The following MTHFD1L variants were observed in gnomAD, a reference collection of about 807,000 sequenced individuals.
The protein encoded by MTHFD1L is methylenetetrahydrofolate dehydrogenase (NADP+ dependent) 1 like.
In MTHFD1L, 81 loss-of-function variants were observed where a neutral mutation model predicts 119.5. That is an observed-to-expected ratio of 0.68 (90% confidence interval 0.57 to 0.82). The LOEUF is 0.82. Among genes scored for constraint, MTHFD1L ranks in the 40% least tolerant of loss-of-function variants. MTHFD1L has a pLI of 0.00. For missense variants in MTHFD1L, 1,125 were observed against 1,253.4 expected, an observed-to-expected ratio of 0.90 and a Z score of 1.55; for synonymous variants, 430 against 475.2, an observed-to-expected ratio of 0.90 and a Z score of 1.24.
chr6:150,982,088 T>C (rs1258819422), intron 20 of MTHFD1L, among the ~76,000 whole-genome samples: 1 of 151,814 alleles, frequency 6.6e-6, no homozygotes, highest in East Asian at 1.9e-4. Flanking sequence ...GGTGAAACCC[T>C]GTCTTGAAAG....
chr6:150,881,090 G>C lies in MTHFD1L; in HGVS notation c.418-1672G>C, dbSNP rs1781324545. Among the ~76,000 whole-genome samples, 4 of 152,046 alleles carry C rather than the reference G, an allele frequency of 2.6e-5. No individual in the cohort carries two copies. In the South Asian group the frequency reaches 6.2e-4, roughly 24 times the overall value. On this transcript the variant is annotated intron_variant, in intron 4 of 27. Transcript: ENST00000367321. ...TTGCTATGAAGAATGTTTTTAGTTT[G>C]ATATAATCCCACTGATGTATTTTTG... is the stretch of plus-strand genomic sequence containing the variant.
chr6:150,924,150 G>A (rs1167468467), intron 10 of MTHFD1L, among the ~76,000 whole-genome samples: 1 of 152,150 alleles, frequency 6.6e-6, no homozygotes, highest in Non-Finnish European at 1.5e-5. Flanking sequence ...AGGCTGAGTA[G>A]TTTATAAATC....
intron 24 of MTHFD1L, among the ~76,000 whole-genome samples, chr6:151,033,816 C>G (rs998256876): frequency 9.2e-5 from 14 of 152,194 alleles, no homozygotes; most frequent in South Asian, 4.1e-4. Flanking sequence ...TTCAGACCCA[C>G]TTAAAAACCA....
intron 20 of MTHFD1L, among the ~76,000 whole-genome samples, chr6:150,993,366 G>T (rs1473820664): frequency 6.6e-6 from 1 of 152,034 alleles, no homozygotes; most frequent in Non-Finnish European, 1.5e-5. Context: ...TGTTGTCCAG[G>T]CTGGAGTGCA....
rs1410104537 is a variant in MTHFD1L at position 150,887,921 on chromosome 6, C to T, written c.720C>T (p.Phe240=). ...TGGAAGCTGCTCTACAATGCCTGTT[C>T]CAGAGAAAAGGGTCCATGACAATGA... is the stretch of plus-strand genomic sequence containing the variant. The part of the protein sequence containing the change: ...GSLEAALQCL[F]QRKGSMTMSI... The change falls in exon 7 of 28, where the codon TTC becomes TTT. Residue 240 remains phenylalanine (F), a synonymous_variant. Coordinates refer to ENST00000367321, the MANE Select transcript of MTHFD1L (RefSeq NM_015440.5). 6.2e-7 allele frequency: 1 copy of T among 1,610,562 alleles called. No individual in the cohort carries two copies. Among genetic ancestry groups the T allele is most frequent in the Non-Finnish European group, 8.5e-7 (1 of 1,178,700 alleles).
intron 26 of MTHFD1L, among the ~76,000 whole-genome samples, chr6:151,075,981 A>T (rs1039773438): frequency 6.6e-6 from 1 of 152,244 alleles, no homozygotes; most frequent in Non-Finnish European, 1.5e-5. Context: ...ACCCAAGAAA[A>T]TACATGAAAA....
chr6:150,882,331 T>C (rs1781512263), intron 4 of MTHFD1L, among the ~76,000 whole-genome samples: 3 of 152,232 alleles, frequency 2.0e-5, no homozygotes, highest in South Asian at 2.1e-4. Context: ...ACGCACAGGC[T>C]TAGCTGGGCC....
chr6:150,876,143 C>T lies in MTHFD1L; in HGVS notation c.281C>T (p.Pro94Leu). ...CTAAGTTTATTGCAAGAAAAAAACC[C>T]TGCCTTCAAGCCGGTTCTTGCAATT... ...EVLSLLQEKNPAFKPVLAIIQ... is the reference protein window; with the variant it reads ...EVLSLLQEKNLAFKPVLAIIQ... Residue 94 changes from proline (P) to leucine (L), a missense_variant, in exon 2 of 28, where the codon CCT becomes CTT. Around this residue, in one of 3 missense-constraint regions of MTHFD1L, gnomAD observed 1,058 missense variants for 1,151.2 expected, o/e 0.92. Transcript: ENST00000367321. 1 of 1,604,012 alleles carries T rather than the reference C, an allele frequency of 6.2e-7. No homozygotes were observed. Among genetic ancestry groups the T allele is most frequent in the Middle Eastern group, 1.7e-4 (1 of 5,738 alleles).
At chr6:150,974,724 C>CTTT (rs58490721) in intron 20 of MTHFD1L, among the ~76,000 whole-genome samples, 138 of 144,700 alleles carry the variant, frequency 9.5e-4, no homozygotes, top group African/African-American at 2.9e-3. Context: ...AATTCTCTTC[C>CTTT]TTTTTTTTTT....
intron 16 of MTHFD1L, among the ~76,000 whole-genome samples, chr6:150,952,511 C>T (rs1386146910): frequency 1.3e-5 from 2 of 152,072 alleles, no homozygotes; most frequent in African/African-American, 4.8e-5. Flanking sequence ...TCCTTTCAGC[C>T]TGTGTACAAA....
intron 7 of MTHFD1L, among the ~76,000 whole-genome samples, chr6:150,899,845 G>A (rs968772158): frequency 2.0e-5 from 3 of 151,784 alleles, no homozygotes; most frequent in Admixed American, 1.3e-4. Flanking sequence ...GGTGGCATGC[G>A]CCTGTAATCC....
At chr6:150,984,871 A>G (rs1228212277) in intron 20 of MTHFD1L, among the ~76,000 whole-genome samples, 2 of 152,196 alleles carry the variant, frequency 1.3e-5, no homozygotes, top group Admixed American at 1.3e-4. Context: ...CTATAATACA[A>G]TGAAAATCCA....
At chr6:150,967,866 A>G (rs1294898906) in intron 19 of MTHFD1L, among the ~76,000 whole-genome samples, 1 of 152,046 alleles carries the variant, frequency 6.6e-6, no homozygotes, top group East Asian at 1.9e-4. Context: ...AGAGACTGAA[A>G]CCTAATGAAG....
intron 11 of MTHFD1L, among the ~76,000 whole-genome samples, chr6:150,934,199 T>C (rs1206997802): frequency 6.6e-6 from 1 of 152,222 alleles, no homozygotes; most frequent in East Asian, 1.9e-4. Flanking sequence ...GTGCCTCAGT[T>C]TCCTCATCTA....
At chr6:151,042,095 C>T (rs1983749) in intron 26 of MTHFD1L, 209,056 of 298,230 alleles carry the variant, frequency 0.7, 74,243 homozygotes, top group Non-Finnish European at 0.73. Flanking sequence ...TATTTCACTG[C>T]CCCATGCTGT....
intron 26 of MTHFD1L, among the ~76,000 whole-genome samples, chr6:151,091,374 C>T (rs1431068883): frequency 2.6e-5 from 4 of 152,102 alleles, no homozygotes; most frequent in Non-Finnish European, 5.9e-5. Flanking sequence ...ATGGGTCATC[C>T]GGGAGCCCCA....
At chr6:150,921,197 G>A (rs541785131) in intron 9 of MTHFD1L, among the ~76,000 whole-genome samples, 19 of 151,908 alleles carry the variant, frequency 1.3e-4, no homozygotes, top group African/African-American at 4.6e-4. Flanking sequence ...TCAGCTCACT[G>A]CAACCTCCAC....
At chr6:151,058,126 A>C (rs890485257) in intron 26 of MTHFD1L, among the ~76,000 whole-genome samples, 2 of 152,214 alleles carry the variant, frequency 1.3e-5, no homozygotes, top group African/African-American at 2.4e-5. Flanking sequence ...TTATCCATGG[A>C]GGGCTTAAGC....
intron 24 of MTHFD1L, among the ~76,000 whole-genome samples, chr6:151,016,339 T>G (rs982603416): frequency 7.9e-5 from 12 of 152,010 alleles, no homozygotes; most frequent in African/African-American, 2.4e-4. Context: ...TTTCTCTTTT[T>G]TTTTTTTGAG....
Sources: allele counts gnomAD v4.1 joint callset (sites outside exome capture counted in the v4.1 genomes callset), GRCh38; gene constraint gnomAD v4.1.1; regional missense constraint gnomAD v4.1.1; transcripts MANE v1.5; gene names NCBI Gene and HGNC (gene_info 2026-07-23, HGNC 2026-07-21).